The following LOC400499 variants were observed in gnomAD, a reference collection of about 807,000 sequenced individuals.
At chr16:11,492,455 G>C in the LOC400499 span, among the ~76,000 whole-genome samples, 72 of 152,210 alleles carry the variant, frequency 4.7e-4, no homozygotes, top group Non-Finnish European at 9.1e-4. Flanking sequence ...AGTGCAGGGA[G>C]ACAGTCAATG....
the LOC400499 span, chr16:11,380,939 C>T: frequency 6.3e-6 from 1 of 159,760 alleles, no homozygotes; most frequent in Non-Finnish European, 1.4e-5. Flanking sequence ...AAGGCTGCCT[C>T]CCAAGGGTCT....
At chr16:11,507,735 C>G in the LOC400499 span, among the ~76,000 whole-genome samples, 1 of 152,134 alleles carries the variant, frequency 6.6e-6, no homozygotes, top group African/African-American at 2.4e-5. Context: ...AGTTCAAGAC[C>G]AGCCTGGGCA....
the LOC400499 span, chr16:11,462,031 T>C: frequency 1.7e-6 from 2 of 1,185,372 alleles, no homozygotes; most frequent in Non-Finnish European, 2.2e-6. Flanking sequence ...GAAGCTGCAG[T>C]GATGAGGACC....
the LOC400499 span, among the ~76,000 whole-genome samples, chr16:11,518,626 A>G: frequency 2.6e-5 from 4 of 152,102 alleles, no homozygotes; most frequent in Non-Finnish European, 5.9e-5. Context: ...GTAAGAGAAG[A>G]GCACCTGCGG....
chr16:11,468,672 G>A, the LOC400499 span, among the ~76,000 whole-genome samples: 1 of 152,138 alleles, frequency 6.6e-6, no homozygotes, highest in Non-Finnish European at 1.5e-5. Context: ...CTGTCGCCCA[G>A]GCTGGAATGC....
chr16:11,460,098 C>A, the LOC400499 span: 1 of 1,303,944 alleles, frequency 7.7e-7, no homozygotes, highest in South Asian at 2.5e-5. Context: ...AGGCCCTGCC[C>A]ACCCAGTCCC....
the LOC400499 span, chr16:11,387,435 T>C: frequency 1.6e-6 from 1 of 610,560 alleles, no homozygotes; most frequent in Non-Finnish European, 2.4e-6. Context: ...GCTGTCCTTG[T>C]TTTGGGAAAT....
At chr16:11,501,714 C>A in the LOC400499 span, among the ~76,000 whole-genome samples, 2 of 151,998 alleles carry the variant, frequency 1.3e-5, no homozygotes, top group South Asian at 2.1e-4. Flanking sequence ...CTGCCCAGCA[C>A]CCCCCAGCCC....
At chr16:11,391,664 A>G in the LOC400499 span, 2 of 1,232,084 alleles carry the variant, frequency 1.6e-6, no homozygotes, top group African/African-American at 1.6e-5. Context: ...TCCCACACTT[A>G]CATTCCAGCT....
At chr16:11,439,604 G>C in the LOC400499 span, 2 of 399,002 alleles carry the variant, frequency 5.0e-6, no homozygotes, top group African/African-American at 2.1e-5. Flanking sequence ...GAGTTGAAGA[G>C]GGGTCAGAGG....
At chr16:11,526,653 T>G in the LOC400499 span, among the ~76,000 whole-genome samples, 2 of 152,238 alleles carry the variant, frequency 1.3e-5, no homozygotes, top group Non-Finnish European at 2.9e-5. Flanking sequence ...AAAATGTTAT[T>G]AATTTCACCT....
the LOC400499 span, among the ~76,000 whole-genome samples, chr16:11,478,270 C>T: frequency 2.6e-5 from 4 of 151,804 alleles, no homozygotes; most frequent in Non-Finnish European, 5.9e-5. Context: ...TCAGGTGATC[C>T]ACCCGCCCCA....
chr16:11,487,757 C>A, the LOC400499 span, among the ~76,000 whole-genome samples: 2 of 151,990 alleles, frequency 1.3e-5, no homozygotes, highest in South Asian at 4.1e-4. Flanking sequence ...TTTCTTAACA[C>A]AGGAAAAAAC....
the LOC400499 span, chr16:11,500,846 G>C: frequency 5.0e-6 from 2 of 399,070 alleles, no homozygotes; most frequent in Non-Finnish European, 8.8e-6. Flanking sequence ...GTGGGAGGAA[G>C]GCCAGTGATG....
the LOC400499 span, chr16:11,402,074 CGGTG>C: frequency 2.5e-6 from 1 of 399,206 alleles, no homozygotes; most frequent in Non-Finnish European, 4.4e-6. Flanking sequence ...CAGGCCATCC[CGGTG>C]GCTGCCTCCC....
the LOC400499 span, chr16:11,491,704 G>C: frequency 2.5e-5 from 10 of 395,816 alleles, no homozygotes; most frequent in Non-Finnish European, 4.4e-5. Context: ...GGCTCACCCT[G>C]GGTGGAGAGC....
chr16:11,410,280 CCT>C, the LOC400499 span, among the ~76,000 whole-genome samples: 1 of 152,140 alleles, frequency 6.6e-6, no homozygotes, highest in Non-Finnish European at 1.5e-5. Flanking sequence ...ACGGTGAAAC[CCT>C]GTCTCTACCA....
chr16:11,499,980 T>C, the LOC400499 span, among the ~76,000 whole-genome samples: 1 of 152,158 alleles, frequency 6.6e-6, no homozygotes, highest in Admixed American at 6.5e-5. Flanking sequence ...ACCTACTTCA[T>C]AGAGACACCT....
At chr16:11,391,193 G>C in the LOC400499 span, among the ~76,000 whole-genome samples, 1 of 152,228 alleles carries the variant, frequency 6.6e-6, no homozygotes, top group Non-Finnish European at 1.5e-5. Context: ...CAGGGCCTTG[G>C]GGGCTCTGTG....
Sources: gnomAD v4.1 joint callset for allele counts (sites outside exome capture counted in the v4.1 genomes callset) on GRCh38, gnomAD v4.1.1 for gene constraint, MANE v1.5 for transcripts.